Variants in SFMBT2 observed in about 807,000 individuals in gnomAD.
SFMBT2 encodes the protein scm-like with four MBT domains protein 2.
SFMBT2 carries 38 observed loss-of-function variants against 110.1 expected under a neutral mutation model. The ratio of observed to expected loss-of-function variants is 0.35; its 90% confidence interval spans 0.27 to 0.45. The LOEUF is 0.45. SFMBT2 is among the 20% of genes least tolerant of loss of function. SFMBT2 has a pLI of 1.00. For missense variants in SFMBT2, 1,011 were observed against 1,094.9 expected (o/e 0.92, Z 1.08); for synonymous variants, 425 against 425.4 (o/e 1.00, Z 0.01).
chr10:7,384,222 A>AG (rs1490071144), intron 1 of SFMBT2, among the ~76,000 whole-genome samples: 4 of 148,506 alleles, frequency 2.7e-5, no homozygotes, highest in Admixed American at 2.0e-4. Context: ...AAAAAAAAAA[A>AG]AAAAAAAAAA....
chr10:7,252,865 T>C (rs1052658989), intron 7 of SFMBT2, among the ~76,000 whole-genome samples: 26 of 152,140 alleles, frequency 1.7e-4, no homozygotes, highest in Admixed American at 7.2e-4. Context: ...GATGGGACCC[T>C]AAACAGCTTC....
At chr10:7,409,178 G>A (rs1257571986) in intron 1 of SFMBT2, 1 of 151,876 alleles carries the variant, frequency 6.6e-6, no homozygotes, top group African/African-American at 2.4e-5. Context: ...AGGAAAGCAG[G>A]AGCCCACTAT....
intron 4 of SFMBT2, among the ~76,000 whole-genome samples, chr10:7,361,591 G>A (rs1409231229): frequency 1.3e-5 from 2 of 152,146 alleles, no homozygotes; most frequent in Non-Finnish European, 2.9e-5. Context: ...TTATTCAAAT[G>A]AGTTGTATAT....
intron 7 of SFMBT2, among the ~76,000 whole-genome samples, chr10:7,267,423 A>T (rs190871506): frequency 3.7e-4 from 57 of 152,298 alleles, no homozygotes; most frequent in Admixed American, 5.2e-4. Context: ...GAGGATGCCA[A>T]GGCTTTGGAC....
rs1425880668 is a variant in SFMBT2 at position 7,301,093 on chromosome 10, G to T, written c.437-15139C>A. On this transcript the variant is annotated intron_variant, in intron 4 of 20. Transcript: ENST00000397167. The surrounding 1 kb of genome is among the most constrained non-coding windows in gnomAD (Gnocchi z 4.2). ...GAAGGAGTAAACCCCAGATACCGTGGAAGCCCTGGCACCAGGGCCAGGATG... is the reference window on the plus strand; with the variant it reads ...GAAGGAGTAAACCCCAGATACCGTGTAAGCCCTGGCACCAGGGCCAGGATG... 6.6e-5 allele frequency among the ~76,000 whole-genome samples: 10 copies of T among 152,300 alleles called. No individual in the cohort carries two copies. The highest frequency in any genetic ancestry group is 6.5e-4 in the Admixed American group (10 of 15,304).
At chr10:7,245,894 T>G (rs1181997103) in intron 8 of SFMBT2, among the ~76,000 whole-genome samples, 4 of 152,180 alleles carry the variant, frequency 2.6e-5, no homozygotes, top group Admixed American at 2.6e-4. Flanking sequence ...GGAAAAAAAA[T>G]GAAATTTTCA....
chr10:7,170,946 G>T lies in SFMBT2; in HGVS notation c.2526C>A (p.Ala842=). 1.2e-6 allele frequency: 2 copies of T among 1,614,140 alleles called. No homozygotes were observed. The highest frequency in any genetic ancestry group is 1.7e-6 in the Non-Finnish European group (2 of 1,180,000). ...FIKLTDCAPL[A]KIFQEQDIDG... ...ACCGTACCTGCTCCTGAAATATCTTGGCCAAGGGGGCACAGTCTGTCAGCT... is the reference window on the plus strand; with the variant it reads ...ACCGTACCTGCTCCTGAAATATCTTTGCCAAGGGGGCACAGTCTGTCAGCT... The change falls in exon 20 of 21, where the codon GCC becomes GCA. Residue 842 remains alanine, a synonymous_variant. Coordinates refer to ENST00000397167, the MANE Select transcript of SFMBT2 (RefSeq NM_001387889.1). The surrounding 1 kb of genome is among the most constrained non-coding windows in gnomAD (Gnocchi z 4.6).
chr10:7,332,376 T>A (rs371092097), intron 4 of SFMBT2, among the ~76,000 whole-genome samples: 1 of 152,196 alleles, frequency 6.6e-6, no homozygotes, highest in Admixed American at 6.5e-5. Context: ...ATAAAAGACA[T>A]GCAAAAGGGT....
At chr10:7,334,791 T>A (rs1843667662) in intron 4 of SFMBT2, among the ~76,000 whole-genome samples, 1 of 152,194 alleles carries the variant, frequency 6.6e-6, no homozygotes, top group African/African-American at 2.4e-5. Flanking sequence ...CTTGCGGAAC[T>A]CAGCTTCATT....
At position 7,344,261 on chromosome 10, in the gene SFMBT2, T is replaced by C. The variant is rs571772140; in HGVS notation, c.436+23388A>G. Among the ~76,000 whole-genome samples the C allele has an allele frequency of 2.2e-4, 34 of 152,278 alleles. No homozygotes were observed. In the South Asian group the frequency reaches 6.4e-3, roughly 29 times the overall value. ...GGACAACTGATATGGTTTGGCTGTG[T>C]CCCCAACCAAATCTCACCTAAAATT... On this transcript the variant is annotated intron_variant, in intron 4 of 20. Coordinates refer to ENST00000397167, the MANE Select transcript of SFMBT2 (RefSeq NM_001387889.1).
At chr10:7,319,746 CAG>C (rs148675672) in intron 4 of SFMBT2, among the ~76,000 whole-genome samples, 6 of 143,416 alleles carry the variant, frequency 4.2e-5, no homozygotes, top group African/African-American at 7.7e-5. Context: ...GATAGAGAGA[CAG>C]AGAGAGAGAG....
Position 7,353,186 on chromosome 10 carries a change from C to G in SFMBT2, c.436+14463G>C, listed in dbSNP as rs149367343. On this transcript the variant is annotated intron_variant, in intron 4 of 20. Transcript: ENST00000397167. ...TTAATAACAACCGTATCATATATTC[C>G]CACCCAAAAAACACCAGGCACAGAA... Among the ~76,000 whole-genome samples, 5 of 152,072 alleles carry G rather than the reference C, an allele frequency of 3.3e-5. No individual in the cohort carries two copies. In the East Asian group the frequency reaches 9.6e-4, roughly 29 times the overall value.
chr10:7,215,503 T>C, intron 11 of SFMBT2: 2 of 969,016 alleles, frequency 2.1e-6, no homozygotes, highest in South Asian at 4.8e-5. Context: ...AATCATCTCC[T>C]GAGGCAGGGG....
At chr10:7,257,902 CAA>C (rs1841079054) in intron 7 of SFMBT2, among the ~76,000 whole-genome samples, 1 of 152,062 alleles carries the variant, frequency 6.6e-6, no homozygotes, top group South Asian at 2.1e-4. Flanking sequence ...CATGTAAAAA[CAA>C]AAAAGGCAGT....
intron 1 of SFMBT2, among the ~76,000 whole-genome samples, chr10:7,403,928 T>A (rs1202682885): frequency 6.6e-6 from 1 of 152,212 alleles, no homozygotes; most frequent in Non-Finnish European, 1.5e-5. Context: ...GCAGCTTTTT[T>A]TTATTTTTAA....
At chr10:7,243,754 A>G in intron 8 of SFMBT2, 49 bp from the exon 9 acceptor site, 2 of 822,702 alleles carry the variant, frequency 2.4e-6, no homozygotes, top group Non-Finnish European at 4.2e-6. Context: ...TTAGAGTTAC[A>G]TATAATGCTA....
intron 9 of SFMBT2, among the ~76,000 whole-genome samples, chr10:7,241,919 A>G (rs1840442117): frequency 6.6e-6 from 1 of 152,126 alleles, no homozygotes. Context: ...CATTTTTTCA[A>G]AATTCTTAAA....
chr10:7,292,986 C>CA (rs1283730279), intron 4 of SFMBT2, among the ~76,000 whole-genome samples: 87 of 149,500 alleles, frequency 5.8e-4, no homozygotes, highest in African/African-American at 1.7e-3. Flanking sequence ...GGCTCCGTCT[C>CA]AAAAAAAAAG....
At chr10:7,215,150 C>T (rs1280511183) in intron 11 of SFMBT2, among the ~76,000 whole-genome samples, 1 of 152,194 alleles carries the variant, frequency 6.6e-6, no homozygotes, top group African/African-American at 2.4e-5. Context: ...CCTGTAATCC[C>T]GGCATTTTGG....
Sources: gnomAD v4.1 joint callset for allele counts (sites outside exome capture counted in the v4.1 genomes callset) on GRCh38, gnomAD v4.1.1 for gene constraint, Gnocchi (gnomAD v3.1) non-coding constraint, MANE v1.5 for transcripts, NCBI Gene and HGNC (gene_info 2026-07-23, HGNC 2026-07-21) for gene names.